PRKN: variants seen among roughly 807,000 people sequenced by gnomAD.
PRKN encodes the protein E3 ubiquitin-protein ligase parkin.
PRKN carries 56 observed loss-of-function variants against 59.5 expected under a neutral mutation model. That is an observed-to-expected ratio of 0.94 (90% CI 0.76 to 1.18). PRKN has a LOEUF of 1.18. PRKN is among the 50% of genes most tolerant of loss of function. The pLI is 0.00. For synonymous variants in PRKN, 250 were observed against 222.1 expected, an observed-to-expected ratio of 1.13 and a Z score of -1.12; for missense variants, 657 against 596.4, an observed-to-expected ratio of 1.10 and a Z score of -1.06.
intron 7 of PRKN, among the ~76,000 whole-genome samples, chr6:161,750,278 A>C (rs1788632088): frequency 6.6e-6 from 1 of 152,160 alleles, no homozygotes; most frequent in Non-Finnish European, 1.5e-5. Flanking sequence ...TTGACTTAGC[A>C]ACACTACCAA....
chr6:162,235,974 AAAGAAAGAAAGAAAG>A (rs1778672868), intron 3 of PRKN, among the ~76,000 whole-genome samples: 1 of 96,258 alleles, frequency 1.0e-5, no homozygotes, highest in African/African-American at 6.9e-5. Context: ...AGAAAGAAAG[AAAGAAAGAAAGAAAG>A]AAAGAAAGAA....
intron 1 of PRKN, among the ~76,000 whole-genome samples, chr6:162,674,382 C>T (rs151272226): frequency 2.4e-4 from 37 of 152,122 alleles, no homozygotes; most frequent in African/African-American, 5.3e-4. Context: ...CTGAGGGGTA[C>T]GGCTGTGGGG....
intron 9 of PRKN, among the ~76,000 whole-genome samples, chr6:161,516,604 G>C (rs2115346928): frequency 6.6e-6 from 1 of 151,416 alleles, no homozygotes; most frequent in African/African-American, 2.4e-5. Context: ...GAGACTGGTG[G>C]ATCACCTGAG....
intron 1 of PRKN, among the ~76,000 whole-genome samples, chr6:162,674,692 T>C (rs1779469575): frequency 6.6e-6 from 1 of 152,182 alleles, no homozygotes; most frequent in Non-Finnish European, 1.5e-5. Flanking sequence ...GGGCTGATAA[T>C]GACATCAGTG....
chr6:162,721,550 G>T (rs565763186), intron 1 of PRKN, among the ~76,000 whole-genome samples: 1 of 152,132 alleles, frequency 6.6e-6, no homozygotes, highest in South Asian at 2.1e-4. Flanking sequence ...CTAGAAGGCC[G>T]CCTTCACCTA....
intron 1 of PRKN, among the ~76,000 whole-genome samples, chr6:162,599,586 T>A (rs1263768471): frequency 6.6e-6 from 1 of 152,122 alleles, no homozygotes; most frequent in Admixed American, 6.6e-5. Flanking sequence ...TGGAGAAAGA[T>A]CCTGTCAAGG....
chr6:161,425,745 G>T (rs189930371), intron 9 of PRKN, among the ~76,000 whole-genome samples: 1 of 152,276 alleles, frequency 6.6e-6, no homozygotes, highest in East Asian at 1.9e-4. Flanking sequence ...ATGAGGAGAT[G>T]AATTTGTCCA....
chr6:162,411,766 C>T (rs1178937111), intron 2 of PRKN, among the ~76,000 whole-genome samples: 1 of 152,036 alleles, frequency 6.6e-6, no homozygotes, highest in African/African-American at 2.4e-5. Context: ...ACCATTGAAG[C>T]AAACTGAGTA....
At chr6:162,624,745 T>A (rs1391874600) in intron 1 of PRKN, among the ~76,000 whole-genome samples, 1 of 152,204 alleles carries the variant, frequency 6.6e-6, no homozygotes, top group Non-Finnish European at 1.5e-5. Context: ...CCTCTTGAAC[T>A]CCTGGCCTCA....
At chr6:162,471,380 G>A (rs1791735795) in intron 1 of PRKN, among the ~76,000 whole-genome samples, 1 of 152,156 alleles carries the variant, frequency 6.6e-6, no homozygotes, top group Admixed American at 6.5e-5. Context: ...TTACAGGCGT[G>A]AGCCACTGTA....
intron 6 of PRKN, among the ~76,000 whole-genome samples, chr6:161,945,731 C>T (rs1779753513): frequency 6.6e-6 from 1 of 152,158 alleles, no homozygotes; most frequent in Admixed American, 6.5e-5. Context: ...TTCAAAATCC[C>T]ACCTGCACTT....
chr6:162,201,582 T>C (rs774779087), intron 3 of PRKN, among the ~76,000 whole-genome samples: 6 of 152,192 alleles, frequency 3.9e-5, no homozygotes, highest in Non-Finnish European at 7.3e-5. Flanking sequence ...TTTGAAAAGA[T>C]GACAGGAATT....
chr6:161,942,399 T>C (rs998085473), intron 6 of PRKN, among the ~76,000 whole-genome samples: 5 of 151,960 alleles, frequency 3.3e-5, no homozygotes, highest in Admixed American at 2.0e-4. Context: ...GGCGTGGTGG[T>C]GGATGCCTGT....
At chr6:161,766,449 A>C (rs1243616704) in intron 7 of PRKN, among the ~76,000 whole-genome samples, 4 of 152,046 alleles carry the variant, frequency 2.6e-5, no homozygotes, top group Non-Finnish European at 1.5e-5. Flanking sequence ...CTGGGACTAC[A>C]GGTGCACGCC....
At chr6:161,695,182 T>C (rs913001024) in intron 7 of PRKN, among the ~76,000 whole-genome samples, 2 of 152,006 alleles carry the variant, frequency 1.3e-5, no homozygotes, top group East Asian at 1.9e-4. Context: ...TTAAGGGCAA[T>C]AGAATTGAGA....
rs1228423523 is a variant in PRKN at position 162,201,119 on chromosome 6, G to A, written c.534+12C>T. 6.2e-7 allele frequency: 1 copy of A among 1,613,966 alleles called. No individual in the cohort carries two copies. Among genetic ancestry groups the A allele is most frequent in the Non-Finnish European group, 8.5e-7 (1 of 1,179,838 alleles). ...TTCCTGGCAGTCTCATGCTGACACT[G>A]CATTTCCTTACCTGGGTCAAGGTGA... On this transcript the variant is annotated intron_variant, in intron 4 of 11. Transcript: ENST00000366898.
At chr6:162,579,956 T>C (rs73035025) in intron 1 of PRKN, among the ~76,000 whole-genome samples, 15,583 of 152,218 alleles carry the variant, frequency 0.1, 942 homozygotes, top group Middle Eastern at 0.19. Flanking sequence ...CCACAAGAGT[T>C]TGCTGAATTG....
intron 6 of PRKN, among the ~76,000 whole-genome samples, chr6:161,790,667 A>C (rs1294644447): frequency 2.0e-5 from 3 of 152,122 alleles, no homozygotes; most frequent in African/African-American, 7.2e-5. Context: ...ATCTCACCAG[A>C]CACTGGATCT....
rs190349277 is a variant in PRKN, at chr6:162,145,447, A to G, written c.534+55684T>C. Among the ~76,000 whole-genome samples, 23 of 152,308 alleles carry G rather than the reference A, an allele frequency of 1.5e-4. No homozygotes were observed. The East Asian group carries it at 4.2e-3, about 28-fold the overall frequency. ...AATGTCAGGCCCACTGTGCCTGGGA[A>G]TATTTACACATTGGGGGGAATTATT... On this transcript the variant is annotated intron_variant, in intron 4 of 11. Transcript: ENST00000366898.
Sources: allele counts gnomAD v4.1 joint callset (sites outside exome capture counted in the v4.1 genomes callset), GRCh38; gene constraint gnomAD v4.1.1; transcripts MANE v1.5; gene names NCBI Gene and HGNC (gene_info 2026-07-23, HGNC 2026-07-21).